GOLT1B: variants seen among roughly 807,000 people sequenced by gnomAD.
GOLT1B encodes the protein golgi transport 1B.
GOLT1B carries 3 observed loss-of-function variants against 15.4 expected under a neutral mutation model. The observed-to-expected ratio is 0.19, with a 90% CI of 0.09 to 0.50. The LOEUF (loss-of-function observed/expected upper bound fraction) is 0.50, where lower values mean the gene tolerates loss of function less well. GOLT1B is among the 20% of genes least tolerant of loss of function. The pLI is 0.97. For synonymous variants in GOLT1B, 65 were observed against 56.2 expected (o/e 1.16, Z -0.70); for missense variants, 145 against 160.4 (o/e 0.90, Z 0.52).
chr12:21,508,532 C>T lies in GOLT1B; in HGVS notation c.267C>T (p.Phe89=). ...LIGWPLIGMI[F]EIYGFFLLFR... is the part of the protein sequence containing the mutation. ...GTTGGCCTTTGATAGGCATGATCTT[C>T]GAAATTTATGGATTTTTTCTCTTGT... Residue 89 remains phenylalanine (F), a synonymous_variant, in exon 3 of 5, where the codon TTC becomes TTT. Coordinates refer to ENST00000229314, the MANE Select transcript of GOLT1B (RefSeq NM_016072.5). The T allele has an allele frequency of 1.3e-6, 2 of 1,580,904 alleles. No homozygotes were observed. Among genetic ancestry groups the T allele is most frequent in the South Asian group, 1.1e-5 (1 of 88,986 alleles).
At chr12:21,511,127 C>T (rs1315446185) in intron 3 of GOLT1B, among the ~76,000 whole-genome samples, 1 of 152,112 alleles carries the variant, frequency 6.6e-6, no homozygotes, top group Non-Finnish European at 1.5e-5. Context: ...AGCCACAAGC[C>T]CCAGGTTGTT....
At position 21,517,773 on chromosome 12, in the gene GOLT1B, G is replaced by C. The variant is rs2136813719; in HGVS notation, c.*2066G>C. The C allele has an allele frequency of 6.6e-6, 1 of 152,568 alleles. No homozygotes were observed. The highest frequency in any genetic ancestry group is 1.5e-5 in the Non-Finnish European group (1 of 67,924). 9.5% of individuals were successfully genotyped at this position (152,568 alleles called of 1,614,324 possible). A position where few individuals can be genotyped will look rare whatever the true frequency, so the allele number is the denominator to read the frequency against. On this transcript the variant is annotated 3_prime_UTR_variant, in exon 5 of 5. Transcript: ENST00000229314. ...AGTCTGCAGTTAATATCAAATGTGA[G>C]TTTGGGACTGCCTGGCAACATTTAT... is the stretch of plus-strand genomic sequence containing the variant.
intron 3 of GOLT1B, among the ~76,000 whole-genome samples, chr12:21,508,919 A>AGATAGATAGATAGATAGATAGATAGATC: frequency 6.6e-6 from 1 of 151,272 alleles, no homozygotes; most frequent in East Asian, 2.0e-4. Flanking sequence ...ATAGATAGAT[A>AGATAGATAGATAGATAGATAGATAGATC]GATCCAGCAT....
chr12:21,507,281 C>T, intron 2 of GOLT1B: 1 of 245,422 alleles, frequency 4.1e-6, no homozygotes, highest in East Asian at 1.0e-4. Flanking sequence ...AGTTTCATGT[C>T]TTGATAAATC....
rs992818845 is a variant in GOLT1B at position 21,516,649 on chromosome 12, A to G, written c.*942A>G. 1 of 152,014 alleles carries G rather than the reference A, an allele frequency of 6.6e-6. No individual in the cohort carries two copies. The highest frequency in any genetic ancestry group is 1.5e-5 in the Non-Finnish European group (1 of 67,918). 9.4% of individuals were successfully genotyped at this position (152,014 alleles called of 1,614,324 possible). A position where few individuals can be genotyped will look rare whatever the true frequency, so the allele number is the denominator to read the frequency against. On this transcript the variant is annotated 3_prime_UTR_variant, in exon 5 of 5. Transcript: ENST00000229314. ...GTGGCTTATTATTTGTTTTTCATAA[A>G]TTAAAATAACTTTTGATAATGTTTA...
At chr12:21,503,755 G>C (rs943175629) in intron 1 of GOLT1B, among the ~76,000 whole-genome samples, 1 of 152,220 alleles carries the variant, frequency 6.6e-6, no homozygotes, top group Non-Finnish European at 1.5e-5. Context: ...CATCATTCAA[G>C]TGATTTGTCA....
intron 1 of GOLT1B, among the ~76,000 whole-genome samples, chr12:21,505,117 C>T (rs1943670064): frequency 6.6e-6 from 1 of 152,090 alleles, no homozygotes; most frequent in South Asian, 2.1e-4. Flanking sequence ...TACCTGCATT[C>T]CAGTAGTATT....
At chr12:21,509,479 G>T (rs1225849874) in intron 3 of GOLT1B, among the ~76,000 whole-genome samples, 1 of 149,028 alleles carries the variant, frequency 6.7e-6, no homozygotes, top group Non-Finnish European at 1.5e-5. Flanking sequence ...TTCCAGAAAT[G>T]CATATCCTTT....
intron 1 of GOLT1B, among the ~76,000 whole-genome samples, chr12:21,502,589 G>A (rs548622108): frequency 6.6e-6 from 1 of 152,244 alleles, no homozygotes; most frequent in South Asian, 2.1e-4. Context: ...TATTTCGTTA[G>A]TATTGTATAT....
chr12:21,507,157 CACTT>C (rs1441762900), intron 2 of GOLT1B, 181 bp downstream of exon 2: 2 of 628,598 alleles, frequency 3.2e-6, no homozygotes, highest in African/African-American at 3.6e-5. Flanking sequence ...AAAAGGTAAA[CACTT>C]AATGAGGTTT....
At chr12:21,514,448 A>G (rs1943741781) in intron 4 of GOLT1B, among the ~76,000 whole-genome samples, 1 of 152,184 alleles carries the variant, frequency 6.6e-6, no homozygotes, top group Non-Finnish European at 1.5e-5. Context: ...TAGGGTCAGA[A>G]CCTTACAGCC....
At chr12:21,509,435 A>T (rs1173897568) in intron 3 of GOLT1B, among the ~76,000 whole-genome samples, 2 of 151,204 alleles carry the variant, frequency 1.3e-5, no homozygotes, top group Non-Finnish European at 2.9e-5. Context: ...CAGAAAAGAA[A>T]ATAACTTTAA....
rs945372912 is a variant in GOLT1B, at chr12:21,501,900, G to A, written c.-24G>A. 41 of 1,588,210 alleles carry A rather than the reference G, an allele frequency of 2.6e-5. No homozygotes were observed. Among genetic ancestry groups the A allele is most frequent in the Non-Finnish European group, 3.5e-5 (40 of 1,156,778 alleles). ...ACCCTGGGCTTTCCGAGGTGCTGTC[G>A]CCGCTGTCCCCACCACTGCAGCCAT... On this transcript the variant is annotated 5_prime_UTR_variant, in exon 1 of 5. Transcript: ENST00000229314.
intron 3 of GOLT1B, among the ~76,000 whole-genome samples, chr12:21,512,044 A>G (rs1364678067): frequency 1.3e-5 from 2 of 152,118 alleles, no homozygotes; most frequent in African/African-American, 4.8e-5. Flanking sequence ...ACCCCACACA[A>G]CTCATAGTTG....
chr12:21,514,548 A>G (rs60371552), intron 4 of GOLT1B, among the ~76,000 whole-genome samples: 1 of 152,222 alleles, frequency 6.6e-6, no homozygotes, highest in Non-Finnish European at 1.5e-5. Context: ...TAATAAATCC[A>G]TGAATTCTTT....
intron 1 of GOLT1B, among the ~76,000 whole-genome samples, chr12:21,503,007 G>T (rs144807093): frequency 6.6e-6 from 1 of 152,266 alleles, no homozygotes; most frequent in East Asian, 1.9e-4. Context: ...AGCTTCTAAG[G>T]CCTCCTACAC....
chr12:21,509,911 A>G (rs995973511), intron 3 of GOLT1B, among the ~76,000 whole-genome samples: 14 of 152,232 alleles, frequency 9.2e-5, no homozygotes, highest in African/African-American at 2.9e-4. Context: ...GCCAGGTTAC[A>G]AACTTTCTTT....
intron 3 of GOLT1B, among the ~76,000 whole-genome samples, chr12:21,510,420 T>C (rs1031409136): frequency 5.3e-5 from 8 of 152,204 alleles, no homozygotes; most frequent in African/African-American, 1.9e-4. Flanking sequence ...CCAAAGCTGA[T>C]CTTTGAGATG....
intron 1 of GOLT1B, 88 bp downstream of exon 1, chr12:21,502,036 A>G: frequency 2.1e-6 from 2 of 946,746 alleles, no homozygotes; most frequent in Non-Finnish European, 3.4e-6. Flanking sequence ...TCAATGAATG[A>G]AGCTCTGGGT....
Sources: gnomAD v4.1 joint callset for allele counts (sites outside exome capture counted in the v4.1 genomes callset) on GRCh38, gnomAD v4.1.1 for gene constraint, MANE v1.5 for transcripts, NCBI Gene and HGNC (gene_info 2026-07-23, HGNC 2026-07-21) for gene names.